Variants in RAD51B observed in about 807,000 individuals in gnomAD.
RAD51B encodes the protein RAD51 paralog B, also known as DNA repair protein RAD51 homolog 2.
Under a neutral mutation model 42.2 loss-of-function variants are expected in RAD51B, and 38 were observed. The observed-to-expected ratio is 0.90, with a 90% CI of 0.70 to 1.18. The LOEUF (loss-of-function observed/expected upper bound fraction) is 1.18. Among genes scored for constraint, RAD51B ranks in the 50% most tolerant of loss-of-function variants. RAD51B has a pLI of 0.00. For missense variants in RAD51B, 373 were observed against 400.7 expected (o/e 0.93, Z 0.59); for synonymous variants, 154 against 145.2 (o/e 1.06, Z -0.43).
chr14:68,396,838 AG>A (rs749637012), intron 8 of RAD51B, among the ~76,000 whole-genome samples: 3 of 152,122 alleles, frequency 2.0e-5, no homozygotes, highest in Admixed American at 6.5e-5. Context: ...TGGGGCGGGG[AG>A]GGGGTAGTTT....
At chr14:68,612,285 G>A (rs987984182), downstream of RAD51B, among the ~76,000 whole-genome samples, 1 of 152,206 alleles carries the variant, frequency 6.6e-6, no homozygotes, top group African/African-American at 2.4e-5. Flanking sequence ...TTGGGACTGG[G>A]CTTGAAAAGT....
intron 9 of RAD51B, among the ~76,000 whole-genome samples, chr14:68,454,532 C>T (rs1472558255): frequency 2.0e-5 from 3 of 152,222 alleles, no homozygotes; most frequent in Non-Finnish European, 4.4e-5. Flanking sequence ...TGCACACCAA[C>T]AATCTTTATT....
chr14:68,488,221 T>TTC (rs60811806), intron 10 of RAD51B, among the ~76,000 whole-genome samples: 1 of 132,352 alleles, frequency 7.6e-6, no homozygotes, highest in African/African-American at 2.9e-5. Context: ...TTTTTTTTTT[T>TTC]CAATAATACA....
chr14:67,906,250 G>C (rs2043778476), intron 7 of RAD51B, among the ~76,000 whole-genome samples: 1 of 152,128 alleles, frequency 6.6e-6, no homozygotes, highest in African/African-American at 2.4e-5. Flanking sequence ...AAGCCTGGTT[G>C]ATTAGGTAGA....
At chr14:68,274,196 T>G (rs545145294) in intron 7 of RAD51B, among the ~76,000 whole-genome samples, 3 of 152,294 alleles carry the variant, frequency 2.0e-5, no homozygotes, top group Non-Finnish European at 4.4e-5. Context: ...CTTACACCAT[T>G]CTCTCCTTCC....
At chr14:68,102,360 A>T (rs2077305526) in intron 7 of RAD51B, among the ~76,000 whole-genome samples, 1 of 152,112 alleles carries the variant, frequency 6.6e-6, no homozygotes, top group Non-Finnish European at 1.5e-5. Flanking sequence ...GCAATTTTTT[A>T]AAACTTTATG....
At chr14:68,365,081 G>A (rs1203177174) in intron 8 of RAD51B, among the ~76,000 whole-genome samples, 1 of 152,088 alleles carries the variant, frequency 6.6e-6, no homozygotes, top group Non-Finnish European at 1.5e-5. Flanking sequence ...TCCTGGGTCT[G>A]AGGAAAGCAC....
In RAD51B at chr14:67,835,159, C is replaced by T. The variant is rs1184345789; in HGVS notation, c.278C>T (p.Ala93Val). Residue 93 changes from alanine to valine, a missense_variant, in exon 4 of 11, where the codon GCC becomes GTC. Physicochemically the swap from Ala to Val is moderately conservative, Grantham distance 64. Transcript: ENST00000471583. ...ACTACCCTTTCTGCTTTGGACGAAG[C>T]CCTGCATGGTGGTGTGGCTTGTGGA... ...LSTTLSALDEALHGGVACGSL... is the reference protein window; with the variant it reads ...LSTTLSALDEVLHGGVACGSL... 1 of 1,613,996 alleles carries T rather than the reference C, an allele frequency of 6.2e-7. No individual in the cohort carries two copies. Among genetic ancestry groups the T allele is most frequent in the Non-Finnish European group, 8.5e-7 (1 of 1,179,918 alleles).
At chr14:68,414,501 T>C (rs1176003743) in intron 9 of RAD51B, among the ~76,000 whole-genome samples, 1 of 152,098 alleles carries the variant, frequency 6.6e-6, no homozygotes, top group Non-Finnish European at 1.5e-5. Context: ...AAAATATGTT[T>C]TGGTCTACCC....
At chr14:68,244,060 A>G (rs115276496) in intron 7 of RAD51B, among the ~76,000 whole-genome samples, 3,746 of 152,312 alleles carry the variant, frequency 0.025, 151 homozygotes, top group African/African-American at 0.08. Flanking sequence ...TGTTAAAAAA[A>G]CAAACAAAAA....
chr14:67,986,586 C>G (rs184155214), intron 7 of RAD51B, among the ~76,000 whole-genome samples: 69 of 152,180 alleles, frequency 4.5e-4, no homozygotes, highest in African/African-American at 1.6e-3. Context: ...GTAGTTAGCA[C>G]GAAAGATCTT....
Position 67,864,999 on chromosome 14 carries a change from T to TTTTTTTG in RAD51B, c.316-3_316-2insTTTTTGT. 1.6e-6 allele frequency: 2 copies of TTTTTTTG among 1,256,498 alleles called. No homozygotes were observed. The highest frequency in any genetic ancestry group is 2.0e-6 in the Non-Finnish European group (2 of 987,696). The allele number at this position is 1,256,498 out of a possible 1,614,324, so 77.8% of individuals were successfully genotyped here. ...TTTTTTTTTTTTTTTTTTTTTTTTT[T>TTTTTTTG]TAGATTACAGGTCCACCAGGTTGTG... On this transcript the variant is annotated splice_region_variant and splice_polypyrimidine_tract_variant and intron_variant, in intron 4 of 10. Coordinates refer to ENST00000471583, the MANE Select transcript of RAD51B (RefSeq NM_133510.4).
intron 8 of RAD51B, among the ~76,000 whole-genome samples, chr14:68,328,580 A>G (rs892522452): frequency 3.3e-5 from 5 of 152,186 alleles, no homozygotes; most frequent in Admixed American, 2.0e-4. Flanking sequence ...TGGCTTTTGG[A>G]AACAGAACTT....
At chr14:68,448,144 G>T (rs538810259) in intron 9 of RAD51B, among the ~76,000 whole-genome samples, 1 of 152,302 alleles carries the variant, frequency 6.6e-6, no homozygotes, top group Non-Finnish European at 1.5e-5. Context: ...ATACTATAGG[G>T]AGCTGAGGAT....
intron 10 of RAD51B, among the ~76,000 whole-genome samples, chr14:68,525,363 G>T (rs1392859114): frequency 2.4e-4 from 37 of 152,340 alleles, no homozygotes; most frequent in Non-Finnish European, 1.0e-4. Context: ...AATTTTCCTT[G>T]CTTTAAGCCA....
At chr14:68,408,129 G>A (rs1370503106) in intron 8 of RAD51B, among the ~76,000 whole-genome samples, 7 of 152,192 alleles carry the variant, frequency 4.6e-5, no homozygotes, top group African/African-American at 1.7e-4. Flanking sequence ...TGGGTCTAAG[G>A]TTGATTTAGG....
chr14:68,606,266 A>G (rs1891442171), intron 10 of RAD51B, among the ~76,000 whole-genome samples: 1 of 152,152 alleles, frequency 6.6e-6, no homozygotes, highest in Non-Finnish European at 1.5e-5. Flanking sequence ...TCGAATACCC[A>G]TTAGGAAGAG....
At chr14:68,352,272 A>G (rs2139876328) in intron 8 of RAD51B, among the ~76,000 whole-genome samples, 1 of 152,340 alleles carries the variant, frequency 6.6e-6, no homozygotes. Flanking sequence ...GTGGTGCTGT[A>G]TTTCTGTAAC....
chr14:68,007,871 C>T lies in RAD51B; in HGVS notation c.756+120667C>T, dbSNP rs1166592138. Among the ~76,000 whole-genome samples the T allele has an allele frequency of 5.3e-5, 8 of 151,508 alleles. No individual in the cohort carries two copies. The East Asian group carries it at 1.6e-3, about 29-fold the overall frequency. On this transcript the variant is annotated intron_variant, in intron 7 of 10. Transcript: ENST00000471583. ...TGGCCAAATAATACAAAAAGGAATTCACAGGGAAGAAAAACAAGTAGCTAA... is the reference window on the plus strand; with the variant it reads ...TGGCCAAATAATACAAAAAGGAATTTACAGGGAAGAAAAACAAGTAGCTAA...
Sources: gnomAD v4.1 joint callset for allele counts (sites outside exome capture counted in the v4.1 genomes callset) on GRCh38, gnomAD v4.1.1 for gene constraint, MANE v1.5 for transcripts, NCBI Gene and HGNC (gene_info 2026-07-23, HGNC 2026-07-21) for gene names.